Variants in CHM observed in about 807,000 individuals in gnomAD.
CHM encodes the protein rab proteins geranylgeranyltransferase component A 1.
Under a neutral mutation model 49.0 loss-of-function variants are expected in CHM, and 10 were observed. The observed-to-expected ratio is 0.20, with a 90% CI of 0.13 to 0.35. CHM has a LOEUF of 0.35. Ranked by LOEUF, CHM falls within the 10% of genes least tolerant of loss-of-function variation. The probability of loss-of-function intolerance (pLI) is 1.00; values close to 1 mark genes in which losing one functional copy is unlikely to be tolerated. For missense variants in CHM, 455 were observed against 478.4 expected (o/e 0.95, Z 0.46); for synonymous variants, 184 against 167.5 (o/e 1.10, Z -0.76).
intron 4 of CHM, among the ~76,000 whole-genome samples, chrX:85,965,303 A>T (rs769196531): frequency 8.9e-6 from 1 of 112,201 alleles, no homozygotes; most frequent in South Asian, 3.7e-4. Context: ...AGTCTTCCTT[A>T]CTCCAATTAC....
At chrX:85,894,608 C>T (rs1041141397) in intron 11 of CHM, among the ~76,000 whole-genome samples, 6 of 110,925 alleles carry the variant, frequency 5.4e-5, no homozygotes, top group Non-Finnish European at 7.6e-5. Flanking sequence ...AATTTAGCAC[C>T]GACATGATGC....
At chrX:85,892,268 A>C (rs1445718470) in intron 12 of CHM, among the ~76,000 whole-genome samples, 1 of 109,232 alleles carries the variant, frequency 9.2e-6, no homozygotes, top group African/African-American at 3.4e-5. Flanking sequence ...AAATGTGAGG[A>C]CATGAGATTT....
chrX:86,046,524 C>G (rs775018273), intron 1 of CHM, among the ~76,000 whole-genome samples: 2 of 112,060 alleles, frequency 1.8e-5, no homozygotes, highest in South Asian at 7.5e-4. Flanking sequence ...GAGAAGACAA[C>G]GAACTGAATT....
In CHM at chrX:85,871,982, G is replaced by GA. The variant is rs1277843052; in HGVS notation, c.1770+1069dup. 4.5e-5 allele frequency among the ~76,000 whole-genome samples: 5 copies of GA among 111,895 alleles called. No homozygotes were observed. In the Admixed American group the frequency reaches 4.8e-4, roughly 11 times the overall value. On this transcript the variant is annotated intron_variant, in intron 14 of 14. Coordinates refer to ENST00000357749, the MANE Select transcript of CHM (RefSeq NM_000390.4). Reference sequence around the variant, plus strand: ...TGGGTTCTTACTAAACTAACAGAAGGAATGATGGATGAGAGATGTGACTTC... The same window carrying GA: ...TGGGTTCTTACTAAACTAACAGAAGGAAATGATGGATGAGAGATGTGACTTC...
intron 8 of CHM, among the ~76,000 whole-genome samples, chrX:85,929,713 C>G (rs1052898758): frequency 2.7e-5 from 3 of 111,838 alleles, no homozygotes; most frequent in Non-Finnish European, 3.8e-5. Context: ...AGTTTTAGCT[C>G]TTTTTATTCT....
At chrX:85,871,719 C>G (rs1924087195) in intron 14 of CHM, among the ~76,000 whole-genome samples, 1 of 111,215 alleles carries the variant, frequency 9.0e-6, no homozygotes, top group Non-Finnish European at 1.9e-5. Flanking sequence ...ATAAAATTAT[C>G]CCTCAATTAT....
At chrX:85,971,316 G>A (rs774949494) in intron 4 of CHM, 82 of 539,728 alleles carry the variant, frequency 1.5e-4, no homozygotes, top group East Asian at 6.9e-4. Context: ...CCGCGGACCC[G>A]CGCGGTGAGT....
chrX:85,884,421 A>G (rs1049202503), intron 12 of CHM, among the ~76,000 whole-genome samples: 1 of 110,924 alleles, frequency 9.0e-6, no homozygotes, highest in African/African-American at 3.3e-5. Context: ...CATTATTCCT[A>G]TTTCACAGAT....
intron 8 of CHM, among the ~76,000 whole-genome samples, chrX:85,941,395 C>A (rs958298302): frequency 9.0e-6 from 1 of 111,353 alleles, no homozygotes; most frequent in Non-Finnish European, 1.9e-5. Flanking sequence ...TCTGACACAC[C>A]TGAAAGCTTG....
chrX:85,921,325 G>A (rs1004720622), intron 8 of CHM, among the ~76,000 whole-genome samples: 23 of 111,536 alleles, frequency 2.1e-4, no homozygotes, highest in African/African-American at 6.8e-4. Flanking sequence ...TCTCTGAGAT[G>A]TCAGGTAGGC....
At chrX:86,021,155 T>TATATATATAC (rs1361889716) in intron 2 of CHM, among the ~76,000 whole-genome samples, 2 of 50,909 alleles carry the variant, frequency 3.9e-5, no homozygotes, top group African/African-American at 1.9e-4. Flanking sequence ...TATATATATA[T>TATATATATAC]ATACACGTAT....
intron 2 of CHM, among the ~76,000 whole-genome samples, chrX:86,025,542 C>T (rs113018675): frequency 4.6e-5 from 5 of 108,750 alleles, no homozygotes; most frequent in South Asian, 4.1e-4. Flanking sequence ...CTGGGTGCAA[C>T]GGCATGCACC....
intron 4 of CHM, among the ~76,000 whole-genome samples, chrX:85,974,155 T>C (rs1931117426): frequency 8.9e-6 from 1 of 112,104 alleles, no homozygotes; most frequent in South Asian, 3.7e-4. Flanking sequence ...TTATAATTGT[T>C]CCAAAGAAAA....
chrX:86,030,481 G>A (rs1395864540), intron 1 of CHM, among the ~76,000 whole-genome samples: 1 of 111,527 alleles, frequency 9.0e-6, no homozygotes, highest in Admixed American at 9.5e-5. Context: ...CTGAAGAAAA[G>A]AAAAAGAAAA....
At chrX:85,873,707 G>A (rs1049315931) in intron 13 of CHM, among the ~76,000 whole-genome samples, 1 of 110,874 alleles carries the variant, frequency 9.0e-6, no homozygotes, top group Non-Finnish European at 1.9e-5. Flanking sequence ...AAAACTGATG[G>A]TGGTGATGTA....
chrX:86,026,102 C>CTTTTTTTTTT lies in CHM; in HGVS notation c.116+1379_116+1388dup, dbSNP rs1167691945. On this transcript the variant is annotated intron_variant, in intron 2 of 14. Transcript: ENST00000357749. ...CTGGGCTTTCAAGGTAGCAGATTTT[C>CTTTTTTTTTT]TTTTTTTTTTTTTTTTTTTTTTTTT... Among the ~76,000 whole-genome samples the CTTTTTTTTTT allele has an allele frequency of 1.6e-3, 43 of 26,759 alleles. 13 individuals carry two copies. The highest frequency in any genetic ancestry group is 2.5e-3 in the South Asian group (1 of 393). 23.2% of individuals were successfully genotyped at this position (26,759 alleles called of 115,157 possible). A position where few individuals can be genotyped will look rare whatever the true frequency, so the allele number is the denominator to read the frequency against.
intron 11 of CHM, among the ~76,000 whole-genome samples, chrX:85,898,505 TTAAAG>T (rs1926049754): frequency 9.0e-6 from 1 of 111,490 alleles, no homozygotes; most frequent in Non-Finnish European, 1.9e-5. Flanking sequence ...TACTAATCTT[TTAAAG>T]TAAAGAAACA....
At chrX:85,988,603 C>G (rs1473873374) in intron 2 of CHM, among the ~76,000 whole-genome samples, 1 of 111,513 alleles carries the variant, frequency 9.0e-6, no homozygotes, top group Non-Finnish European at 1.9e-5. Flanking sequence ...CTAGAAAACC[C>G]CAGTCTGGGC....
At chrX:85,999,504 C>A (rs190297550) in intron 2 of CHM, among the ~76,000 whole-genome samples, 13 of 110,907 alleles carry the variant, frequency 1.2e-4, no homozygotes, top group South Asian at 3.8e-4. Context: ...CATAAATGAT[C>A]AGAAAAAAGG....
Sources: allele counts gnomAD v4.1 joint callset (sites outside exome capture counted in the v4.1 genomes callset), GRCh38; gene constraint gnomAD v4.1.1; transcripts MANE v1.5; gene names NCBI Gene and HGNC (gene_info 2026-07-23, HGNC 2026-07-21).